The following RARB variants were observed in gnomAD, a reference collection of about 807,000 sequenced individuals.
RARB encodes the protein retinoic acid receptor beta, also known as HBV-activated protein.
A neutral mutation model predicts 51.9 loss-of-function variants in RARB; 17 were observed. The ratio of observed to expected loss-of-function variants is 0.33; its 90% CI spans 0.22 to 0.49. RARB has a LOEUF of 0.49. Ranked by LOEUF, RARB falls within the 20% of genes least tolerant of loss-of-function variation. The pLI, the probability that RARB is intolerant of heterozygous loss-of-function variation, is 0.99. For synonymous variants in RARB, 215 were observed against 195.4 expected, an observed-to-expected ratio of 1.10 and a Z score of -0.84; for missense variants, 369 against 550.8, an observed-to-expected ratio of 0.67 and a Z score of 3.30.
intron 2 of RARB, among the ~76,000 whole-genome samples, chr3:25,494,053 C>A (rs1193548288): frequency 1.3e-5 from 2 of 152,078 alleles, no homozygotes; most frequent in Non-Finnish European, 2.9e-5. Context: ...GTATTGATAC[C>A]CAGAGCTCAA....
intron 5 of RARB, among the ~76,000 whole-genome samples, chr3:25,271,563 T>C (rs566645814): frequency 2.0e-5 from 3 of 152,288 alleles, no homozygotes; most frequent in African/African-American, 7.2e-5. Flanking sequence ...AGAGTTTCCA[T>C]GGAAAGGTGG....
intron 5 of RARB, among the ~76,000 whole-genome samples, chr3:25,321,477 G>C (rs1282062076): frequency 1.3e-5 from 2 of 151,918 alleles, no homozygotes; most frequent in Non-Finnish European, 2.9e-5. Flanking sequence ...CAGCACTTTG[G>C]GAGGCCGAGG....
At chr3:25,429,167 G>T (rs546553087) in intron 1 of RARB, among the ~76,000 whole-genome samples, 1 of 152,044 alleles carries the variant, frequency 6.6e-6, no homozygotes, top group Non-Finnish European at 1.5e-5. Flanking sequence ...ATAAAAATGT[G>T]GGGGGTGGGG....
intron 2 of RARB, among the ~76,000 whole-genome samples, chr3:25,468,207 T>C (rs1340687939): frequency 2.6e-5 from 4 of 152,164 alleles, no homozygotes; most frequent in Non-Finnish European, 4.4e-5. Context: ...CAGTACCATG[T>C]CAAATACAGA....
chr3:25,020,835 G>A (rs920694716), intron 2 of RARB, among the ~76,000 whole-genome samples: 1 of 152,134 alleles, frequency 6.6e-6, no homozygotes, highest in Non-Finnish European at 1.5e-5. Context: ...TGGGCGTGGT[G>A]GCACGTTGCT....
intron 2 of RARB, among the ~76,000 whole-genome samples, chr3:24,891,638 G>C (rs565042739): frequency 2.6e-5 from 4 of 152,112 alleles, no homozygotes; most frequent in African/African-American, 7.2e-5. Context: ...TAAAATATTA[G>C]CACTGATAGT....
intron 5 of RARB, among the ~76,000 whole-genome samples, chr3:25,221,225 T>TA (rs1701941734): frequency 6.6e-6 from 1 of 152,164 alleles, no homozygotes; most frequent in African/African-American, 2.4e-5. Context: ...TAAAATTCCC[T>TA]AAGCATCATA....
intron 2 of RARB, among the ~76,000 whole-genome samples, chr3:24,902,722 T>A (rs550067403): frequency 2.2e-4 from 34 of 152,280 alleles, no homozygotes; most frequent in African/African-American, 7.7e-4. Flanking sequence ...CTCACTGACA[T>A]GTTTTGAAAT....
At chr3:25,155,487 T>C (rs937872530) in intron 4 of RARB, among the ~76,000 whole-genome samples, 2 of 152,216 alleles carry the variant, frequency 1.3e-5, no homozygotes, top group Non-Finnish European at 2.9e-5. Flanking sequence ...TATCCGTTTA[T>C]GAAATAATTT....
intron 3 of RARB, among the ~76,000 whole-genome samples, chr3:25,527,379 C>T (rs1322282241): frequency 2.0e-5 from 3 of 152,184 alleles, no homozygotes; most frequent in Non-Finnish European, 4.4e-5. Flanking sequence ...ACCTAGCTGG[C>T]GAGGCCTGCA....
intron 5 of RARB, among the ~76,000 whole-genome samples, chr3:25,196,895 T>G (rs1417059543): frequency 2.0e-5 from 3 of 152,156 alleles, no homozygotes; most frequent in African/African-American, 7.2e-5. Context: ...TTCATATCCT[T>G]CGCCCACTTT....
intron 2 of RARB, among the ~76,000 whole-genome samples, chr3:25,051,152 G>A (rs1372429418): frequency 6.6e-6 from 1 of 152,190 alleles, no homozygotes. Context: ...AGAATTGTAA[G>A]TGAAAATGTC....
intron 5 of RARB, among the ~76,000 whole-genome samples, chr3:25,585,789 G>A (rs1418728835): frequency 1.3e-5 from 2 of 152,164 alleles, no homozygotes; most frequent in African/African-American, 2.4e-5. Context: ...GGGACTGATT[G>A]TATTTGTCAA....
chr3:25,472,172 T>G (rs1388539352), intron 2 of RARB, among the ~76,000 whole-genome samples: 1 of 152,228 alleles, frequency 6.6e-6, no homozygotes, highest in South Asian at 2.1e-4. Context: ...GCTACAGGAC[T>G]TTTTTCTCAC....
At chr3:25,342,467 A>G (rs1424256056) in intron 5 of RARB, among the ~76,000 whole-genome samples, 1 of 152,186 alleles carries the variant, frequency 6.6e-6, no homozygotes, top group East Asian at 1.9e-4. Context: ...TTACAGCCGT[A>G]TGACACCATT....
At chr3:25,255,327 G>GT (rs950388450) in intron 5 of RARB, among the ~76,000 whole-genome samples, 24 of 152,242 alleles carry the variant, frequency 1.6e-4, no homozygotes, top group African/African-American at 5.5e-4. Context: ...AGTGATCACA[G>GT]TTTGTTCTTT....
At chr3:25,486,051 C>T (rs1696453075) in intron 2 of RARB, among the ~76,000 whole-genome samples, 1 of 152,170 alleles carries the variant, frequency 6.6e-6, no homozygotes, top group Admixed American at 6.5e-5. Context: ...GATGCAGTTC[C>T]ATTTTGTGTC....
At chr3:25,500,454 G>GTTTTTTTTTTTTTTTTTTTTTTGT (rs1697245716) in intron 2 of RARB, among the ~76,000 whole-genome samples, 6 of 66,144 alleles carry the variant, frequency 9.1e-5, no homozygotes, top group Non-Finnish European at 1.1e-4. Flanking sequence ...TTCTTTTCTT[G>GTTTTTTTTTTTTTTTTTTTTTTGT]TTTTTTTTTT....
At chr3:25,391,673 G>A (rs4681054) in intron 5 of RARB, among the ~76,000 whole-genome samples, 24,495 of 151,986 alleles carry the variant, frequency 0.16, 2,309 homozygotes, top group Admixed American at 0.3. Context: ...ATGTTTGTTG[G>A]CCATTTGTAT....
Sources: gnomAD v4.1 joint callset for allele counts (sites outside exome capture counted in the v4.1 genomes callset) on GRCh38, gnomAD v4.1.1 for gene constraint, MANE v1.5 for transcripts, NCBI Gene and HGNC (gene_info 2026-07-23, HGNC 2026-07-21) for gene names.